DACH1: variants seen among roughly 807,000 people sequenced by gnomAD.
The protein encoded by DACH1 is dachshund family transcription factor 1, also known as dachshund homolog 1.
Under a neutral mutation model 54.2 loss-of-function variants are expected in DACH1, and 12 were observed. That is an observed-to-expected ratio of 0.22 (90% confidence interval 0.14 to 0.36). DACH1 has a LOEUF of 0.36. Ranked by LOEUF, DACH1 falls within the 10% of genes least tolerant of loss-of-function variation. The pLI is 1.00. For missense variants in DACH1, 805 were observed against 929.8 expected, an observed-to-expected ratio of 0.87 and a Z score of 1.75; for synonymous variants, 386 against 366.2, an observed-to-expected ratio of 1.05 and a Z score of -0.62.
intron 10 of DACH1, among the ~76,000 whole-genome samples, chr13:71,459,410 G>C (rs1875875052): frequency 1.3e-5 from 2 of 151,910 alleles, no homozygotes; most frequent in Non-Finnish European, 2.9e-5. Context: ...TTCAGGAAGA[G>C]AGAAAATGGA....
chr13:71,689,330 T>C (rs1401686312), intron 1 of DACH1, among the ~76,000 whole-genome samples: 3 of 152,138 alleles, frequency 2.0e-5, no homozygotes, highest in Non-Finnish European at 2.9e-5. Flanking sequence ...TATTACTGCA[T>C]ACATATTTGA....
chr13:71,666,131 G>A (rs554377576), intron 2 of DACH1, among the ~76,000 whole-genome samples: 87 of 151,462 alleles, frequency 5.7e-4, no homozygotes, highest in Non-Finnish European at 1.0e-3. Context: ...AAGATGCAGT[G>A]GTAAAAAAAT....
At chr13:71,745,461 A>G (rs1884564406) in intron 1 of DACH1, among the ~76,000 whole-genome samples, 2 of 152,238 alleles carry the variant, frequency 1.3e-5, no homozygotes, top group South Asian at 4.1e-4. Flanking sequence ...GCATTATACT[A>G]TCATAATATA....
chr13:71,776,163 AT>A (rs1566492967), intron 1 of DACH1, among the ~76,000 whole-genome samples: 1 of 152,154 alleles, frequency 6.6e-6, no homozygotes, highest in East Asian at 1.9e-4. Flanking sequence ...CAAAGTCACT[AT>A]TACACTATAA....
At chr13:71,658,574 C>T (rs935044375) in intron 2 of DACH1, among the ~76,000 whole-genome samples, 5 of 152,062 alleles carry the variant, frequency 3.3e-5, no homozygotes, top group African/African-American at 1.2e-4. Flanking sequence ...AAAAAAAGCA[C>T]TATATCCATG....
At chr13:71,615,488 G>A (rs578170962) in intron 3 of DACH1, among the ~76,000 whole-genome samples, 1 of 152,142 alleles carries the variant, frequency 6.6e-6, no homozygotes, top group Non-Finnish European at 1.5e-5. Flanking sequence ...TTCAATTAAA[G>A]TTTACTGGCT....
rs139756916 is a variant in DACH1 at position 71,621,331 on chromosome 13, C to T, written c.1126+9225G>A. Among the ~76,000 whole-genome samples, 449 of 152,074 alleles carry T rather than the reference C, an allele frequency of 3.0e-3. 3 individuals carry two copies. The highest frequency in any genetic ancestry group is 0.01 in the African/African-American group (426 of 41,484). On this transcript the variant is annotated intron_variant, in intron 3 of 10. Coordinates refer to ENST00000613252, the MANE Select transcript of DACH1 (RefSeq NM_080759.6). ...AACCAAAAAGGGAAAAAGTCCCTGT[C>T]GCATTTGCCCTTTCATAGAGATGGA...
At chr13:71,626,782 C>T (rs1331898584) in intron 3 of DACH1, among the ~76,000 whole-genome samples, 2 of 151,980 alleles carry the variant, frequency 1.3e-5, no homozygotes, top group Non-Finnish European at 2.9e-5. Context: ...AATCATAAAT[C>T]TATGGTGATT....
chr13:71,533,747 CTGAG>C (rs770280488), intron 6 of DACH1, among the ~76,000 whole-genome samples: 13 of 150,772 alleles, frequency 8.6e-5, no homozygotes, highest in South Asian at 2.1e-4. Flanking sequence ...CTCTCTCTCT[CTGAG>C]TGTGTGTCAC....
chr13:71,662,643 T>C (rs1283914120), intron 2 of DACH1, among the ~76,000 whole-genome samples: 2 of 152,054 alleles, frequency 1.3e-5, no homozygotes, highest in African/African-American at 4.8e-5. Context: ...GTGATTGCCT[T>C]GAATCTTCAA....
At chr13:71,733,435 G>A (rs955001095) in intron 1 of DACH1, among the ~76,000 whole-genome samples, 1 of 152,110 alleles carries the variant, frequency 6.6e-6, no homozygotes, top group African/African-American at 2.4e-5. Flanking sequence ...GCCTATCTCA[G>A]CCTCCCAAAC....
At chr13:71,560,073 C>T in intron 4 of DACH1, 118 bp from the exon 5 acceptor site, 1 of 1,149,908 alleles carries the variant, frequency 8.7e-7, no homozygotes, top group Non-Finnish European at 1.2e-6. Context: ...AAACACTTTA[C>T]TTCATCAGCA....
chr13:71,851,329 T>C (rs1179738379), intron 1 of DACH1, among the ~76,000 whole-genome samples: 1 of 152,208 alleles, frequency 6.6e-6, no homozygotes, highest in Non-Finnish European at 1.5e-5. Context: ...TTTAAACACA[T>C]TTTATAATTT....
At chr13:71,677,743 CAG>C (rs1880658046) in intron 2 of DACH1, among the ~76,000 whole-genome samples, 2 of 152,180 alleles carry the variant, frequency 1.3e-5, no homozygotes, top group East Asian at 1.9e-4. Context: ...GTTTTTGAGA[CAG>C]AGTCTCACTC....
chr13:71,816,572 A>G (rs1166748335), intron 1 of DACH1, among the ~76,000 whole-genome samples: 2 of 142,302 alleles, frequency 1.4e-5, no homozygotes, highest in African/African-American at 2.7e-5. Flanking sequence ...ATGTGTGTAT[A>G]TATATACACG....
chr13:71,764,249 A>T (rs528878153), intron 1 of DACH1, among the ~76,000 whole-genome samples: 2 of 152,150 alleles, frequency 1.3e-5, no homozygotes, highest in Non-Finnish European at 2.9e-5. Context: ...AATACAGTAC[A>T]GTTAACCGGG....
At position 71,630,545 on chromosome 13, in the gene DACH1, A is replaced by G. The variant is rs1566391549; in HGVS notation, c.1126+11T>C. ...GTGATCACAATAAGTTTCAGCGAAC[A>G]TAAAACTTACCGACACTTGAATTCA... On this transcript the variant is annotated intron_variant, in intron 3 of 10. Coordinates refer to ENST00000613252, the MANE Select transcript of DACH1 (RefSeq NM_080759.6). 5 of 1,577,564 alleles carry G rather than the reference A, an allele frequency of 3.2e-6. No homozygotes were observed. The highest frequency in any genetic ancestry group is 4.3e-6 in the Non-Finnish European group (5 of 1,166,752).
chr13:71,743,496 A>C (rs1237903334), intron 1 of DACH1, among the ~76,000 whole-genome samples: 1 of 152,200 alleles, frequency 6.6e-6, no homozygotes, highest in Admixed American at 6.5e-5. Flanking sequence ...CAGTCCCTAC[A>C]ACTCTATGAG....
intron 1 of DACH1, among the ~76,000 whole-genome samples, chr13:71,810,494 G>A (rs865927129): frequency 1.3e-5 from 2 of 152,214 alleles, no homozygotes; most frequent in South Asian, 4.2e-4. Context: ...ATTATTTTAT[G>A]AAAAACTTCA....
Sources: allele counts gnomAD v4.1 joint callset (sites outside exome capture counted in the v4.1 genomes callset), GRCh38; gene constraint gnomAD v4.1.1; transcripts MANE v1.5; gene names NCBI Gene and HGNC (gene_info 2026-07-23, HGNC 2026-07-21).